Variants in DENND1A observed in about 807,000 individuals in gnomAD.
DENND1A encodes DENN domain containing 1A.
Under a neutral mutation model 113.7 loss-of-function variants are expected in DENND1A, and 51 were observed. The observed-to-expected ratio is 0.45, with a 90% CI of 0.36 to 0.57. DENND1A has a LOEUF of 0.57. Ranked by LOEUF, DENND1A falls within the 20% of genes least tolerant of loss-of-function variation. DENND1A has a pLI of 0.00. For synonymous variants in DENND1A, 565 were observed against 570.8 expected (o/e 0.99, Z 0.14); for missense variants, 1,258 against 1,395.9 (o/e 0.90, Z 1.57).
At chr9:123,691,156 G>A (rs566411916) in intron 5 of DENND1A, among the ~76,000 whole-genome samples, 2 of 152,158 alleles carry the variant, frequency 1.3e-5, no homozygotes, top group African/African-American at 4.8e-5. Flanking sequence ...CTGCAAGGCT[G>A]GATCATTCAT....
chr9:123,826,389 G>T (rs141491419), intron 2 of DENND1A, among the ~76,000 whole-genome samples: 1 of 151,994 alleles, frequency 6.6e-6, no homozygotes, highest in Admixed American at 6.6e-5. Context: ...ATGACAGAGC[G>T]AGACCCTGTC....
intron 9 of DENND1A, among the ~76,000 whole-genome samples, chr9:123,645,861 C>A (rs868190952): frequency 3.9e-5 from 6 of 152,232 alleles, no homozygotes; most frequent in South Asian, 4.1e-4. Context: ...ATTTCTAAAT[C>A]ACGAATTCTT....
chr9:123,787,982 T>C (rs1188659675), intron 3 of DENND1A, among the ~76,000 whole-genome samples: 1 of 152,106 alleles, frequency 6.6e-6, no homozygotes, highest in Non-Finnish European at 1.5e-5. Context: ...TAAACAGCAA[T>C]CTACATATAC....
chr9:123,713,946 TA>T (rs747020529), intron 5 of DENND1A, among the ~76,000 whole-genome samples: 8 of 151,548 alleles, frequency 5.3e-5, no homozygotes, highest in South Asian at 2.1e-4. Context: ...AGAGAAGAGT[TA>T]AAAAAAAATC....
At chr9:123,781,436 CT>C (rs1831298696) in intron 3 of DENND1A, among the ~76,000 whole-genome samples, 1 of 152,142 alleles carries the variant, frequency 6.6e-6, no homozygotes, top group Non-Finnish European at 1.5e-5. Flanking sequence ...GGTTTTATCA[CT>C]GGACTTCAGG....
chr9:123,452,939 A>G (rs1387525770), intron 16 of DENND1A, among the ~76,000 whole-genome samples: 8 of 152,180 alleles, frequency 5.3e-5, no homozygotes, highest in Admixed American at 4.6e-4. Context: ...AATAGCCACA[A>G]ATGTTCACCA....
chr9:123,828,329 A>G (rs910737789), intron 2 of DENND1A, among the ~76,000 whole-genome samples: 1 of 152,184 alleles, frequency 6.6e-6, no homozygotes, highest in Admixed American at 6.5e-5. Flanking sequence ...GTCAGAAAAA[A>G]ATATCCAGAT....
At chr9:123,535,743 A>C (rs527345378) in intron 13 of DENND1A, among the ~76,000 whole-genome samples, 46 of 151,884 alleles carry the variant, frequency 3.0e-4, no homozygotes, top group African/African-American at 1.1e-3. Flanking sequence ...CCAGAAAAAC[A>C]CCTCCCCTGG....
At chr9:123,761,210 C>T (rs919671224) in intron 4 of DENND1A, among the ~76,000 whole-genome samples, 1 of 152,176 alleles carries the variant, frequency 6.6e-6, no homozygotes, top group African/African-American at 2.4e-5. Flanking sequence ...GTTCAAATCC[C>T]AACTCAATCA....
At chr9:123,424,162 C>T (rs183016405) in intron 19 of DENND1A, among the ~76,000 whole-genome samples, 31 of 152,264 alleles carry the variant, frequency 2.0e-4, no homozygotes, top group Admixed American at 1.9e-3. Flanking sequence ...ACCCTCTTTC[C>T]TCCAAGCAGG....
chr9:123,433,307 C>T lies in DENND1A; in HGVS notation c.1488+7053G>A, dbSNP rs1442319478. ...CCCGATTCTAAAACCTGTGCTTCATCCACTCTAACTCATTGTCTCCAGGAA... is the reference window on the plus strand; with the variant it reads ...CCCGATTCTAAAACCTGTGCTTCATTCACTCTAACTCATTGTCTCCAGGAA... On this transcript the variant is annotated intron_variant, in intron 19 of 23. Coordinates refer to ENST00000394215, the MANE Select transcript of DENND1A (RefSeq NM_001352964.2). 2.0e-5 allele frequency among the ~76,000 whole-genome samples: 3 copies of T among 152,174 alleles called. No homozygotes were observed. In the East Asian group the frequency reaches 5.8e-4, roughly 29 times the overall value.
intron 1 of DENND1A, among the ~76,000 whole-genome samples, chr9:123,896,209 G>A (rs1850731051): frequency 6.6e-6 from 1 of 152,122 alleles, no homozygotes; most frequent in Non-Finnish European, 1.5e-5. Flanking sequence ...CTACTCGGGA[G>A]GCTGAGGCAG....
chr9:123,476,496 G>A (rs1206080543), intron 13 of DENND1A, among the ~76,000 whole-genome samples: 1 of 152,098 alleles, frequency 6.6e-6, no homozygotes, highest in Non-Finnish European at 1.5e-5. Flanking sequence ...CTGTGTTTTG[G>A]AACCCAACAT....
At chr9:123,878,891 G>C in intron 2 of DENND1A, 60 bp downstream of exon 2, 1 of 1,527,940 alleles carries the variant, frequency 6.5e-7, no homozygotes, top group Non-Finnish European at 9.1e-7. Context: ...ATTATCTCAC[G>C]TGCATAGCTA....
chr9:123,912,068 T>C (rs555961447), intron 1 of DENND1A, among the ~76,000 whole-genome samples: 2 of 152,332 alleles, frequency 1.3e-5, no homozygotes, highest in Admixed American at 1.3e-4. Flanking sequence ...AGCCTGTATC[T>C]TGATCTGGAT....
intron 8 of DENND1A, among the ~76,000 whole-genome samples, chr9:123,652,900 G>GA (rs1326377385): frequency 6.6e-6 from 1 of 151,586 alleles, no homozygotes; most frequent in African/African-American, 2.4e-5. Context: ...TCAGATTTCA[G>GA]AAAAAAAATG....
intron 18 of DENND1A, among the ~76,000 whole-genome samples, chr9:123,448,612 A>C (rs984677166): frequency 4.6e-5 from 7 of 152,208 alleles, no homozygotes; most frequent in Admixed American, 1.3e-4. Context: ...ATAAAAAGGT[A>C]TATTTAGGGA....
chr9:123,566,913 C>CCACACACACACACACACACACA (rs59984497), intron 12 of DENND1A, among the ~76,000 whole-genome samples: 25 of 147,336 alleles, frequency 1.7e-4, no homozygotes, highest in African/African-American at 4.8e-4. Flanking sequence ...CTTTAACACA[C>CCACACACACACACACACACACA]CACACACACA....
At chr9:123,929,680 C>T (rs1193080591) in intron 1 of DENND1A, among the ~76,000 whole-genome samples, 2 of 151,890 alleles carry the variant, frequency 1.3e-5, no homozygotes, top group Non-Finnish European at 2.9e-5. Flanking sequence ...GGACACCTGA[C>T]CCCCGGCGCC....
Sources: allele counts gnomAD v4.1 joint callset (sites outside exome capture counted in the v4.1 genomes callset), GRCh38; gene constraint gnomAD v4.1.1; transcripts MANE v1.5; gene names NCBI Gene and HGNC (gene_info 2026-07-23, HGNC 2026-07-21).